DRC11: variants seen among roughly 807,000 people sequenced by gnomAD.
The protein encoded by DRC11 is dynein regulatory complex subunit 11, also known as IQ and AAA domain-containing protein 1.
the DRC11 span, among the ~76,000 whole-genome samples, chr2:236,405,170 C>T: frequency 0.019 from 2,879 of 152,202 alleles, 88 homozygotes; most frequent in African/African-American, 0.065. This position sits in a 1 kb window ranked among gnomAD's most constrained non-coding sequence, Gnocchi z 4.6. Flanking sequence ...ATTTGGCCCA[C>T]CTAAGTGACT....
chr2:236,459,597 A>ATATACGTATATACGTACG, the DRC11 span, among the ~76,000 whole-genome samples: 2 of 135,300 alleles, frequency 1.5e-5, no homozygotes, highest in Admixed American at 7.2e-5. Flanking sequence ...ACGTATACGT[A>ATATACGTATATACGTACG]TACATATATA....
the DRC11 span, among the ~76,000 whole-genome samples, chr2:236,422,379 G>A: frequency 4.6e-5 from 7 of 152,134 alleles, no homozygotes; most frequent in South Asian, 2.1e-4. Flanking sequence ...AAATCAATGT[G>A]CAAAAATCAC....
chr2:236,350,505 C>T, the DRC11 span, among the ~76,000 whole-genome samples: 1 of 152,366 alleles, frequency 6.6e-6, no homozygotes, highest in East Asian at 1.9e-4. The surrounding 1 kb of genome is among the most constrained non-coding windows in gnomAD (Gnocchi z 5.2). Flanking sequence ...TTTGCATCCT[C>T]ACCGGACACA....
chr2:236,341,562 G>A, the DRC11 span, among the ~76,000 whole-genome samples: 6 of 152,302 alleles, frequency 3.9e-5, no homozygotes, highest in South Asian at 2.1e-4. Flanking sequence ...AGAGAATTCC[G>A]GAGTAGGGCC....
At chr2:236,349,201 T>C in the DRC11 span, among the ~76,000 whole-genome samples, 1,286 of 152,176 alleles carry the variant, frequency 8.5e-3, 21 homozygotes, top group African/African-American at 0.03. This position sits in a 1 kb window ranked among gnomAD's most constrained non-coding sequence, Gnocchi z 5.5. Context: ...CAACATGGCC[T>C]GGGCACTGCT....
At chr2:236,387,475 G>C in the DRC11 span, among the ~76,000 whole-genome samples, 1 of 150,974 alleles carries the variant, frequency 6.6e-6, no homozygotes, top group African/African-American at 2.4e-5. Context: ...TCAGAGACTA[G>C]GATTGCAACC....
chr2:236,366,818 C>T, the DRC11 span, among the ~76,000 whole-genome samples: 1 of 142,636 alleles, frequency 7.0e-6, no homozygotes, highest in African/African-American at 2.6e-5. Flanking sequence ...CCTCCTCTCT[C>T]TCTTTCTCTC....
the DRC11 span, among the ~76,000 whole-genome samples, chr2:236,309,814 C>T: frequency 2.0e-5 from 3 of 152,196 alleles, no homozygotes; most frequent in African/African-American, 4.8e-5. The surrounding 1 kb of genome is among the most constrained non-coding windows in gnomAD (Gnocchi z 5.7). Flanking sequence ...GACGGTCCAC[C>T]TCCTCATCCA....
the DRC11 span, among the ~76,000 whole-genome samples, chr2:236,452,855 A>T: frequency 6.6e-6 from 1 of 152,134 alleles, no homozygotes; most frequent in Non-Finnish European, 1.5e-5. This position sits in a 1 kb window ranked among gnomAD's most constrained non-coding sequence, Gnocchi z 4.7. Context: ...TTTTAAAAAA[A>T]TTTTATTAAA....
the DRC11 span, among the ~76,000 whole-genome samples, chr2:236,315,345 A>C: frequency 6.6e-6 from 1 of 152,202 alleles, no homozygotes; most frequent in Non-Finnish European, 1.5e-5. This position sits in a 1 kb window ranked among gnomAD's most constrained non-coding sequence, Gnocchi z 5.1. Flanking sequence ...TAAATGTGAT[A>C]AGTGAAACAA....
chr2:236,439,332 T>C, the DRC11 span, among the ~76,000 whole-genome samples: 3 of 152,196 alleles, frequency 2.0e-5, no homozygotes, highest in Non-Finnish European at 4.4e-5. Flanking sequence ...CAGACTATTA[T>C]AGTTTTTTAA....
chr2:236,374,989 C>A, the DRC11 span, among the ~76,000 whole-genome samples: 1 of 151,804 alleles, frequency 6.6e-6, no homozygotes, highest in African/African-American at 2.4e-5. Context: ...GTGTGAGCCA[C>A]CGTGTCCAGC....
the DRC11 span, among the ~76,000 whole-genome samples, chr2:236,371,640 T>C: frequency 6.6e-6 from 1 of 152,190 alleles, no homozygotes; most frequent in African/African-American, 2.4e-5. This position sits in a 1 kb window ranked among gnomAD's most constrained non-coding sequence, Gnocchi z 5.1. Flanking sequence ...ATATAGAGAA[T>C]GCTCACTACC....
chr2:236,348,768 C>T, the DRC11 span, among the ~76,000 whole-genome samples: 3 of 152,178 alleles, frequency 2.0e-5, no homozygotes, highest in African/African-American at 4.8e-5. This position sits in a 1 kb window ranked among gnomAD's most constrained non-coding sequence, Gnocchi z 7.4. Flanking sequence ...AAGCCCCGCT[C>T]GGAAGCACAG....
At chr2:236,331,794 A>G in the DRC11 span, 4 of 582,006 alleles carry the variant, frequency 6.9e-6, no homozygotes, top group East Asian at 8.5e-5. This position sits in a 1 kb window ranked among gnomAD's most constrained non-coding sequence, Gnocchi z 4.8. Flanking sequence ...TAAGCCATAC[A>G]TATCAATGAC....
At chr2:236,326,624 T>C in the DRC11 span, among the ~76,000 whole-genome samples, 1 of 152,230 alleles carries the variant, frequency 6.6e-6, no homozygotes, top group Non-Finnish European at 1.5e-5. Context: ...TTTTCATAAT[T>C]ATCTCTTCTC....
chr2:236,330,274 TAA>T, the DRC11 span, among the ~76,000 whole-genome samples: 17,234 of 152,176 alleles, frequency 0.11, 1,181 homozygotes, highest in Middle Eastern at 0.16. This position sits in a 1 kb window ranked among gnomAD's most constrained non-coding sequence, Gnocchi z 5.5. Context: ...TTTTTGCAAA[TAA>T]AGTTTTATTG....
the DRC11 span, among the ~76,000 whole-genome samples, chr2:236,317,593 G>A: frequency 6.6e-6 from 1 of 152,224 alleles, no homozygotes; most frequent in East Asian, 1.9e-4. The surrounding 1 kb of genome is among the most constrained non-coding windows in gnomAD (Gnocchi z 5.4). Flanking sequence ...GGGCTTCTCA[G>A]GAGCTGGGAG....
chr2:236,354,189 T>G, the DRC11 span, among the ~76,000 whole-genome samples: 1 of 92,974 alleles, frequency 1.1e-5, no homozygotes, highest in Non-Finnish European at 2.3e-5. Flanking sequence ...ATGTCTGTGG[T>G]CAATGTGTGT....
Sources: gnomAD v4.1 joint callset for allele counts (sites outside exome capture counted in the v4.1 genomes callset) on GRCh38, gnomAD v4.1.1 for gene constraint, Gnocchi (gnomAD v3.1) non-coding constraint, MANE v1.5 for transcripts, NCBI Gene and HGNC (gene_info 2026-07-23, HGNC 2026-07-21) for gene names.